Variants in FGF2 observed in about 807,000 individuals in gnomAD.
FGF2 encodes the protein basic fibroblast growth factor bFGF.
A neutral mutation model predicts 15.9 loss-of-function variants in FGF2; 13 were observed. The observed-to-expected ratio is 0.82, with a 90% CI of 0.53 to 1.30. FGF2 has a LOEUF of 1.30. FGF2 is among the 50% of genes most tolerant of loss of function. FGF2 has a pLI of 0.00. For synonymous variants in FGF2, 90 were observed against 78.4 expected (o/e 1.15, Z -0.78); for missense variants, 163 against 196.9 (o/e 0.83, Z 1.03).
intron 1 of FGF2, among the ~76,000 whole-genome samples, chr4:122,854,087 T>TG (rs1360140382): frequency 6.6e-6 from 1 of 152,212 alleles, no homozygotes; most frequent in African/African-American, 2.4e-5. Context: ...ACTAGGAACA[T>TG]GGGGAAAAGC....
At chr4:122,869,847 T>C (rs1270846832) in intron 1 of FGF2, among the ~76,000 whole-genome samples, 1 of 152,180 alleles carries the variant, frequency 6.6e-6, no homozygotes, top group East Asian at 1.9e-4. Flanking sequence ...TTGCCTGATT[T>C]CCCTGGCCAG....
rs368679900 is a variant in FGF2, at chr4:122,874,340, T to C, written c.179-1981T>C. 2.6e-4 allele frequency among the ~76,000 whole-genome samples: 40 copies of C among 152,340 alleles called. No homozygotes were observed. In the South Asian group the frequency reaches 6.6e-3, roughly 25 times the overall value. ...CCCTTCATTGTTTGGGTTTCATGTC[T>C]TCATTACATTCCTTTTACTTCGTAT... On this transcript the variant is annotated intron_variant, in intron 1 of 2. Transcript: ENST00000644866.
intron 1 of FGF2, among the ~76,000 whole-genome samples, chr4:122,849,203 A>C (rs898666411): frequency 6.6e-5 from 10 of 152,190 alleles, no homozygotes; most frequent in African/African-American, 2.4e-4. Context: ...TTCCCAACCA[A>C]AGTGCCCATC....
intron 1 of FGF2, among the ~76,000 whole-genome samples, chr4:122,838,813 T>C (rs986213320): frequency 1.3e-5 from 2 of 152,214 alleles, no homozygotes; most frequent in African/African-American, 4.8e-5. Context: ...CTTAAGATTT[T>C]TGAGTGGCAT....
At chr4:122,859,630 A>T (rs1237593544) in intron 1 of FGF2, among the ~76,000 whole-genome samples, 1 of 133,948 alleles carries the variant, frequency 7.5e-6, no homozygotes, top group African/African-American at 2.8e-5. Context: ...AAAAGTTTAT[A>T]TATGGGTGTG....
At chr4:122,881,015 G>C (rs1726951323) in intron 2 of FGF2, among the ~76,000 whole-genome samples, 1 of 152,178 alleles carries the variant, frequency 6.6e-6, no homozygotes, top group Non-Finnish European at 1.5e-5. Flanking sequence ...ACACCATGTG[G>C]AAGCTGCCAA....
At chr4:122,844,731 G>A (rs1268253390) in intron 1 of FGF2, among the ~76,000 whole-genome samples, 1 of 151,612 alleles carries the variant, frequency 6.6e-6, no homozygotes, top group Non-Finnish European at 1.5e-5. Flanking sequence ...TGATCTCCTG[G>A]AATCAAGTGT....
At chr4:122,860,406 A>G (rs1726435772) in intron 1 of FGF2, among the ~76,000 whole-genome samples, 1 of 150,942 alleles carries the variant, frequency 6.6e-6, no homozygotes, top group Non-Finnish European at 1.5e-5. Context: ...AGACTTTACA[A>G]AGTTCCTCTA....
chr4:122,832,516 T>C (rs925526943), intron 1 of FGF2, among the ~76,000 whole-genome samples: 1 of 152,178 alleles, frequency 6.6e-6, no homozygotes. Context: ...CAAAGTGCTG[T>C]GATTACAGGC....
intron 1 of FGF2, among the ~76,000 whole-genome samples, chr4:122,837,091 A>C (rs1725881214): frequency 6.6e-6 from 1 of 152,148 alleles, no homozygotes; most frequent in African/African-American, 2.4e-5. Flanking sequence ...TACCATTGTT[A>C]ATATTTTGGG....
chr4:122,829,545 C>T (rs1263203802), intron 1 of FGF2, among the ~76,000 whole-genome samples: 1 of 152,104 alleles, frequency 6.6e-6, no homozygotes, highest in Non-Finnish European at 1.5e-5. Flanking sequence ...TGGAGACTAC[C>T]AATTTTTTTA....
chr4:122,827,173 C>G lies in FGF2; in HGVS notation c.-2C>G. On this transcript the variant is annotated 5_prime_UTR_variant, in exon 1 of 3. Transcript: ENST00000644866. The surrounding 1 kb of genome is among the most constrained non-coding windows in gnomAD (Gnocchi z 4.2). ...GGATCCCGGCCGGGCCCCGCAGGGA[C>G]CATGGCAGCCGGGAGCATCACCACG... 1.3e-6 allele frequency: 2 copies of G among 1,565,550 alleles called. No homozygotes were observed. The highest frequency in any genetic ancestry group is 1.7e-6 in the Non-Finnish European group (2 of 1,159,456).
intron 1 of FGF2, among the ~76,000 whole-genome samples, chr4:122,863,744 T>C (rs1044854555): frequency 6.6e-6 from 1 of 152,180 alleles, no homozygotes; most frequent in Non-Finnish European, 1.5e-5. Flanking sequence ...AGAGATGTAT[T>C]GGAAGGAGTT....
intron 1 of FGF2, among the ~76,000 whole-genome samples, chr4:122,830,640 G>A (rs1725744485): frequency 6.6e-6 from 1 of 151,890 alleles, no homozygotes; most frequent in South Asian, 2.1e-4. Context: ...CTTTCAATGC[G>A]GTGGGAATGG....
At chr4:122,854,666 C>T (rs56693799) in intron 1 of FGF2, among the ~76,000 whole-genome samples, 111 of 152,224 alleles carry the variant, frequency 7.3e-4, no homozygotes, top group African/African-American at 2.5e-3. Context: ...GCAGGGGATG[C>T]GGGGAAGAAT....
rs1408264768 is a variant in FGF2 at position 122,827,158 on chromosome 4, C to T, written c.-17C>T. The T allele has an allele frequency of 4.2e-6, 6 of 1,433,842 alleles. No homozygotes were observed. The highest frequency in any genetic ancestry group is 2.9e-5 in the South Asian group (2 of 69,838). The allele number at this position is 1,433,842 out of a possible 1,614,324, so 88.8% of individuals were successfully genotyped here. On this transcript the variant is annotated 5_prime_UTR_variant, in exon 1 of 3. Transcript: ENST00000644866. The surrounding 1 kb of genome is among the most constrained non-coding windows in gnomAD (Gnocchi z 4.2). ...GCTCCAGCGGCTCGGGGATCCCGGC[C>T]GGGCCCCGCAGGGACCATGGCAGCC...
chr4:122,882,190 CA>C (rs1726972608), intron 2 of FGF2: 2 of 152,304 alleles, frequency 1.3e-5, no homozygotes, highest in East Asian at 3.9e-4. Flanking sequence ...ACCTAGTAAT[CA>C]TGGTGACTCT....
intron 1 of FGF2, among the ~76,000 whole-genome samples, chr4:122,857,546 T>C (rs760854930): frequency 3.3e-5 from 5 of 152,238 alleles, no homozygotes; most frequent in Non-Finnish European, 2.9e-5. Flanking sequence ...CAAGCAGCTG[T>C]GCTGTTAGAA....
intron 1 of FGF2, among the ~76,000 whole-genome samples, chr4:122,867,768 C>T (rs1726631433): frequency 6.6e-6 from 1 of 152,204 alleles, no homozygotes; most frequent in Non-Finnish European, 1.5e-5. Flanking sequence ...ATGCTGTTCA[C>T]ACCTTCCATA....
Sources: gnomAD v4.1 joint callset for allele counts (sites outside exome capture counted in the v4.1 genomes callset) on GRCh38, gnomAD v4.1.1 for gene constraint, Gnocchi (gnomAD v3.1) non-coding constraint, MANE v1.5 for transcripts, NCBI Gene and HGNC (gene_info 2026-07-23, HGNC 2026-07-21) for gene names.